AKAP13: variants seen among roughly 807,000 people sequenced by gnomAD.
The protein encoded by AKAP13 is A-kinase anchor protein 13.
AKAP13 carries 80 observed loss-of-function variants against 264.5 expected under a neutral mutation model. That is an observed-to-expected ratio of 0.30 (90% CI 0.25 to 0.36). AKAP13 has a LOEUF of 0.36. AKAP13 is among the 10% of genes least tolerant of loss of function. The pLI is 1.00. For missense variants in AKAP13, 3,712 were observed against 3,435.2 expected (o/e 1.08, Z -2.01); for synonymous variants, 1,380 against 1,250.2 (o/e 1.10, Z -2.19).
In AKAP13 at chr15:85,631,502, T is replaced by TCTCTCACA. The variant is rs1372440393; in HGVS notation, c.4162-7871_4162-7870insTCTCACAC. 2.1e-4 allele frequency among the ~76,000 whole-genome samples: 29 copies of TCTCTCACA among 141,046 alleles called. 1 individual carries two copies. The highest frequency in any genetic ancestry group is 7.5e-4 in the African/African-American group (28 of 37,410). 92.5% of individuals were successfully genotyped at this position (141,046 alleles called of 152,430 possible). A position where few individuals can be genotyped will look rare whatever the true frequency, so the allele number is the denominator to read the frequency against. On this transcript the variant is annotated intron_variant, in intron 8 of 36. Coordinates refer to ENST00000394518, the MANE Select transcript of AKAP13 (RefSeq NM_007200.5). ...CACACTTTCTCTCTCTCTCTCTCTCTCACACACACACACACACACACACAC... is the reference window on the plus strand; with the variant it reads ...CACACTTTCTCTCTCTCTCTCTCTCTCTCTCACACACACACACACACACACACACACAC...
At chr15:85,434,022 G>A (rs1337814546) in intron 1 of AKAP13, among the ~76,000 whole-genome samples, 2 of 152,020 alleles carry the variant, frequency 1.3e-5, no homozygotes, top group African/African-American at 2.4e-5. Context: ...CAGCGTGAGC[G>A]ACGCAGAAGA....
At chr15:85,448,062 T>C (rs953120134) in intron 1 of AKAP13, among the ~76,000 whole-genome samples, 1 of 152,232 alleles carries the variant, frequency 6.6e-6, no homozygotes, top group African/African-American at 2.4e-5. Flanking sequence ...ATAATAGCCA[T>C]TCTGAGTTGT....
chr15:85,482,858 G>C (rs1238155007), intron 1 of AKAP13, among the ~76,000 whole-genome samples: 1 of 152,152 alleles, frequency 6.6e-6, no homozygotes, highest in Non-Finnish European at 1.5e-5. Context: ...TCTGTTTCTG[G>C]AGCCTTCTGG....
At chr15:85,497,261 AT>A (rs1307470484) in intron 2 of AKAP13, among the ~76,000 whole-genome samples, 1 of 152,236 alleles carries the variant, frequency 6.6e-6, no homozygotes, top group Admixed American at 6.5e-5. Context: ...AGAGGAATAG[AT>A]TCTTTCACTG....
chr15:85,611,015 C>G (rs2080593504), intron 8 of AKAP13, among the ~76,000 whole-genome samples: 1 of 152,104 alleles, frequency 6.6e-6, no homozygotes, highest in South Asian at 2.1e-4. Context: ...TAAGTTTTCC[C>G]CTGTGAAATA....
At chr15:85,531,850 C>G (rs1240584356) in intron 3 of AKAP13, among the ~76,000 whole-genome samples, 1 of 152,126 alleles carries the variant, frequency 6.6e-6, no homozygotes, top group Non-Finnish European at 1.5e-5. Context: ...GTTAAACTAG[C>G]CCATCATTCC....
At chr15:85,506,621 A>G (rs2076231193) in intron 2 of AKAP13, among the ~76,000 whole-genome samples, 1 of 152,184 alleles carries the variant, frequency 6.6e-6, no homozygotes, top group Non-Finnish European at 1.5e-5. Context: ...CAAGATAGAT[A>G]AGGAGAGTTA....
At chr15:85,521,722 C>A in intron 3 of AKAP13, 147 bp downstream of exon 3, 1 of 892,422 alleles carries the variant, frequency 1.1e-6, no homozygotes, top group South Asian at 2.7e-5. Flanking sequence ...AATATCTGGT[C>A]CTGCTGGTAT....
At chr15:85,420,098 C>T (rs966510429) in intron 1 of AKAP13, among the ~76,000 whole-genome samples, 70 of 152,006 alleles carry the variant, frequency 4.6e-4, no homozygotes, top group African/African-American at 1.6e-3. Context: ...CCCGCCACTA[C>T]GCCCGGCTAA....
In AKAP13 at chr15:85,722,212, C is replaced by CTT. The variant is rs1567213906; in HGVS notation, c.6379-17_6379-16insTT. 1 of 1,609,724 alleles carries CTT rather than the reference C, an allele frequency of 6.2e-7. No homozygotes were observed. The highest frequency in any genetic ancestry group is 2.2e-5 in the East Asian group (1 of 44,834). ...CCTTTTTCATGTGATTCCTCACAGT[C>CTT]TGTTTACTCCCTTGCAGAAGAAGAT... On this transcript the variant is annotated splice_polypyrimidine_tract_variant and intron_variant, in intron 24 of 36. Coordinates refer to ENST00000394518, the MANE Select transcript of AKAP13 (RefSeq NM_007200.5).
At chr15:85,705,412 C>A (rs1193891794) in intron 17 of AKAP13, among the ~76,000 whole-genome samples, 1 of 151,996 alleles carries the variant, frequency 6.6e-6, no homozygotes, top group Admixed American at 6.6e-5. Flanking sequence ...TCCTGTGTTG[C>A]CCTTAGGTGC....
chr15:85,510,051 G>A (rs1232100108), intron 2 of AKAP13, among the ~76,000 whole-genome samples: 1 of 152,222 alleles, frequency 6.6e-6, no homozygotes, highest in African/African-American at 2.4e-5. Flanking sequence ...TGCTCAGGCA[G>A]TCAAGGGCCT....
intron 10 of AKAP13, among the ~76,000 whole-genome samples, chr15:85,648,126 AAGAT>A (rs2082642300): frequency 6.6e-6 from 1 of 152,250 alleles, no homozygotes; most frequent in African/African-American, 2.4e-5. Flanking sequence ...TACCATTCTG[AAGAT>A]ATGTGTCGCT....
At chr15:85,441,365 T>G (rs2073646121) in intron 1 of AKAP13, among the ~76,000 whole-genome samples, 1 of 152,174 alleles carries the variant, frequency 6.6e-6, no homozygotes, top group South Asian at 2.1e-4. Context: ...TATTGAGTTA[T>G]AAGAGTTCTT....
chr15:85,457,956 A>G (rs1268877883), intron 1 of AKAP13, among the ~76,000 whole-genome samples: 7 of 152,020 alleles, frequency 4.6e-5, no homozygotes, highest in African/African-American at 1.7e-4. Flanking sequence ...CCTGACCAAC[A>G]TGGTGAAACC....
chr15:85,589,582 C>T (rs1372005781), intron 8 of AKAP13, among the ~76,000 whole-genome samples: 1 of 146,960 alleles, frequency 6.8e-6, no homozygotes, highest in African/African-American at 2.5e-5. Context: ...ATGGGGAAAC[C>T]TTGTCTCCAC....
At chr15:85,508,540 C>T (rs1009270737) in intron 2 of AKAP13, among the ~76,000 whole-genome samples, 1 of 151,998 alleles carries the variant, frequency 6.6e-6, no homozygotes, top group African/African-American at 2.4e-5. Context: ...AGTCCTCTAT[C>T]GTGTTTCATC....
rs147634712 is a variant in AKAP13, at chr15:85,543,815, G to A, written c.522G>A (p.Leu174=). Residue 174 remains leucine (L), a synonymous_variant, in exon 5 of 37, where the codon CTG becomes CTA. Coordinates refer to ENST00000394518, the MANE Select transcript of AKAP13 (RefSeq NM_007200.5). ...CATTGATGCATTTTGCTGTGCGGCT[G>A]GGACTGCTGAGGTTGACGTGGTTCC... ...RETLMHFAVR[L]GLLRLTWFLL... is the part of the protein sequence containing the mutation. 1,379 of 1,613,870 alleles carry A rather than the reference G, an allele frequency of 8.5e-4. 1 individual carries two copies. The highest frequency in any genetic ancestry group is 1.1e-3 in the Non-Finnish European group (1,283 of 1,179,840).
At chr15:85,467,580 C>T (rs1008947172) in intron 1 of AKAP13, among the ~76,000 whole-genome samples, 2 of 152,138 alleles carry the variant, frequency 1.3e-5, no homozygotes, top group Non-Finnish European at 2.9e-5. Context: ...CTGCAGCCTT[C>T]CTGACCATCC....
Sources: gnomAD v4.1 joint callset for allele counts (sites outside exome capture counted in the v4.1 genomes callset) on GRCh38, gnomAD v4.1.1 for gene constraint, MANE v1.5 for transcripts, NCBI Gene and HGNC (gene_info 2026-07-23, HGNC 2026-07-21) for gene names.